Variants in THRA observed in about 807,000 individuals in gnomAD.
The protein encoded by THRA is thyroid hormone receptor alpha, also known as EAR-7.
THRA carries 13 observed loss-of-function variants against 45.0 expected under a neutral mutation model. The ratio of observed to expected loss-of-function variants is 0.29; its 90% confidence interval spans 0.19 to 0.46. THRA has a LOEUF of 0.46. Ranked by LOEUF, THRA falls within the 20% of genes least tolerant of loss-of-function variation. THRA has a pLI of 1.00. For missense variants in THRA, 278 were observed against 556.1 expected (o/e 0.50, Z 5.03); for synonymous variants, 195 against 214.0 (o/e 0.91, Z 0.78).
At chr17:40,067,158 G>A (rs1196083711) in intron 1 of THRA, among the ~76,000 whole-genome samples, 3 of 152,174 alleles carry the variant, frequency 2.0e-5, no homozygotes, top group African/African-American at 4.8e-5. Flanking sequence ...ATGAGTGTAT[G>A]GGAAAGAGCC....
intron 4 of THRA, among the ~76,000 whole-genome samples, chr17:40,081,306 A>G (rs1987129740): frequency 6.6e-6 from 1 of 151,882 alleles, no homozygotes; most frequent in Non-Finnish European, 1.5e-5. Flanking sequence ...GTTGGAGTGC[A>G]GTGGTGCGAT....
At chr17:40,062,201 G>C (rs181541585), upstream of THRA, 5 of 152,280 alleles carry the variant, frequency 3.3e-5, no homozygotes, top group African/African-American at 9.6e-5. Context: ...GGAGCAGATT[G>C]TTGGGGGAAA....
chr17:40,069,087 TCTCC>T (rs1272323205), intron 1 of THRA: 1 of 146,352 alleles, frequency 6.8e-6, no homozygotes, highest in Non-Finnish European at 1.5e-5. Flanking sequence ...TCCCTCCCTC[TCTCC>T]CTCCCTCTCT....
downstream of THRA, chr17:40,093,178 G>A (rs962679691): frequency 1.5e-5 from 24 of 1,613,820 alleles, no homozygotes; most frequent in Non-Finnish European, 1.9e-5. The surrounding 1 kb of genome is among the most constrained non-coding windows in gnomAD (Gnocchi z 5.9). Context: ...TTGGTGAAGC[G>A]GGAAGTCTCC....
At chr17:40,063,372 C>T (rs1412054877) in intron 1 of THRA, among the ~76,000 whole-genome samples, 2 of 152,168 alleles carry the variant, frequency 1.3e-5, no homozygotes, top group Non-Finnish European at 2.9e-5. Flanking sequence ...CCCGCCCGGC[C>T]TCTGTCCGGC....
Position 40,090,046 on chromosome 17 carries a change from C to CA in THRA, c.*596dup. ...GAAAAACTAGACAGAGAGAAAAATACAAAAAAGAGAGAGCGAGCGATAGAG... is the reference window on the plus strand; with the variant it reads ...GAAAAACTAGACAGAGAGAAAAATACAAAAAAAGAGAGAGCGAGCGATAGAG... On this transcript the variant is annotated 3_prime_UTR_variant, in exon 9 of 9. Coordinates refer to ENST00000450525, the MANE Select transcript of THRA (RefSeq NM_199334.5). 2 of 985,886 alleles carry CA rather than the reference C, an allele frequency of 2.0e-6. No individual in the cohort carries two copies. The highest frequency in any genetic ancestry group is 2.4e-6 in the Non-Finnish European group (2 of 829,716). 61.1% of individuals were successfully genotyped at this position (985,886 alleles called of 1,614,324 possible).
Position 40,092,281 on chromosome 17 carries a change from A to C in THRA, c.*2825A>C, listed in dbSNP as rs910391151. 6.7e-6 allele frequency: 1 copy of C among 149,450 alleles called. No homozygotes were observed. The highest frequency in any genetic ancestry group is 1.5e-5 in the Non-Finnish European group (1 of 67,304). The allele number at this position is 149,450 out of a possible 1,614,324, so 9.3% of individuals were successfully genotyped here. The stretch of plus-strand genomic sequence containing the variant: ...GCGTTGTGAGAGAGAGACCGTCCAT[A>C]AGGAGGACAGTAACTCCTGCCCTGG... On this transcript the variant is annotated 3_prime_UTR_variant, in exon 9 of 9. Coordinates refer to ENST00000450525, the MANE Select transcript of THRA (RefSeq NM_199334.5).
intron 1 of THRA, among the ~76,000 whole-genome samples, chr17:40,072,934 C>G (rs1986829476): frequency 6.6e-6 from 1 of 152,234 alleles, no homozygotes; most frequent in South Asian, 2.1e-4. Context: ...GTGCCCAGTC[C>G]TGGTCTGGGG....
chr17:40,089,615 CCCT>C lies in THRA; in HGVS notation c.*164_*166del, dbSNP rs778280657. The C allele has an allele frequency of 5.6e-6, 8 of 1,438,566 alleles. No homozygotes were observed. Among genetic ancestry groups the C allele is most frequent in the Non-Finnish European group, 6.4e-6 (7 of 1,101,518 alleles). The allele number at this position is 1,438,566 out of a possible 1,614,324, so 89.1% of individuals were successfully genotyped here. On this transcript the variant is annotated 3_prime_UTR_variant, in exon 9 of 9. Coordinates refer to ENST00000450525, the MANE Select transcript of THRA (RefSeq NM_199334.5). This position sits in a 1 kb window ranked among gnomAD's most constrained non-coding sequence, Gnocchi z 6.1. ...ACACACACACCCGCACTGCCCAGGT[CCCT>C]CCTCAGACCTCCAGCCCTGGGACAG... is the stretch of plus-strand genomic sequence containing the variant.
chr17:40,073,366 T>C (rs562162472), intron 1 of THRA, among the ~76,000 whole-genome samples: 1 of 152,332 alleles, frequency 6.6e-6, no homozygotes, highest in East Asian at 1.9e-4. Context: ...GTGAGGCTTA[T>C]CCCACAGCCA....
intron 1 of THRA, among the ~76,000 whole-genome samples, chr17:40,066,663 CA>C (rs553082902): frequency 0.066 from 3,270 of 49,546 alleles, 104 homozygotes; most frequent in African/African-American, 0.18. Flanking sequence ...GACTCCGTCT[CA>C]AAAAAAAAAA....
In THRA at chr17:40,089,280, G is replaced by A. The variant is rs766284607; in HGVS notation, c.1057G>A (p.Val353Ile). ...EAYLLAFEHY[V>I]NHRKHNIPHF... is the part of the protein sequence containing the mutation. ...GTACCTGCTGGCGTTCGAGCACTACGTCAACCACCGCAAACACAACATTCC... is the reference window on the plus strand; with the variant it reads ...GTACCTGCTGGCGTTCGAGCACTACATCAACCACCGCAAACACAACATTCC... Residue 353 changes from valine (V) to isoleucine (I), a missense_variant, in exon 9 of 9, where the codon GTC (valine) becomes ATC (isoleucine). Transcript: ENST00000450525. This position sits in a 1 kb window ranked among gnomAD's most constrained non-coding sequence, Gnocchi z 6.1. The A allele has an allele frequency of 2.1e-5, 34 of 1,613,952 alleles. No homozygotes were observed. Among genetic ancestry groups the A allele is most frequent in the Non-Finnish European group, 2.5e-5 (29 of 1,180,044 alleles).
At position 40,082,388 on chromosome 17, in the gene THRA, CT is replaced by C. The variant is rs58529995; in HGVS notation, c.223-1437del. Among the ~76,000 whole-genome samples, 289 of 146,218 alleles carry C rather than the reference CT, an allele frequency of 2.0e-3. 1 individual carries two copies. Among genetic ancestry groups the C allele is most frequent in the African/African-American group, 6.7e-3 (266 of 39,878 alleles). On this transcript the variant is annotated intron_variant, in intron 4 of 8. Transcript: ENST00000450525. ...TGCCACCATTCCCGGCTAATTTTTTCTTTTTTTTTTCTTTTTTGAGATGAAG... is the reference window on the plus strand; with the variant it reads ...TGCCACCATTCCCGGCTAATTTTTTCTTTTTTTTTCTTTTTTGAGATGAAG...
intron 4 of THRA, among the ~76,000 whole-genome samples, chr17:40,079,256 G>GT (rs1390839441): frequency 9.3e-5 from 14 of 150,392 alleles, no homozygotes; most frequent in South Asian, 4.2e-4. Context: ...GTTTTGTTTT[G>GT]TTTTTTTTGA....
chr17:40,076,476 C>T (rs547851166), intron 2 of THRA, among the ~76,000 whole-genome samples: 1 of 152,344 alleles, frequency 6.6e-6, no homozygotes, highest in South Asian at 2.1e-4. Context: ...GGTTATTCAT[C>T]TGTGCCGGTG....
rs370923594 is a variant in THRA at position 40,077,548 on chromosome 17, C to T, written c.162C>T (p.Val54=). 2.5e-5 allele frequency: 40 copies of T among 1,613,902 alleles called. No individual in the cohort carries two copies. Among genetic ancestry groups the T allele is most frequent in the Non-Finnish European group, 3.1e-5 (36 of 1,179,992 alleles). Residue 54 remains valine, a synonymous_variant, in exon 4 of 9, where the codon GTC becomes GTT. Transcript: ENST00000450525. ...ACCTGGACAAAGACGAGCAGTGTGTCGTGTGTGGGGACAAGGCAACTGGTT... is the reference window on the plus strand; with the variant it reads ...ACCTGGACAAAGACGAGCAGTGTGTTGTGTGTGGGGACAAGGCAACTGGTT... The part of the protein sequence containing the change: ...PSYLDKDEQC[V]VCGDKATGYH...
intron 5 of THRA, 87 bp from the exon 6 acceptor site, chr17:40,084,523 G>A: frequency 3.4e-6 from 5 of 1,473,620 alleles, no homozygotes; most frequent in Admixed American, 1.8e-5. Flanking sequence ...TCTCCAACCT[G>A]TACTCTAGGA....
chr17:40,067,603 G>A (rs368013711), intron 1 of THRA, among the ~76,000 whole-genome samples: 1 of 152,192 alleles, frequency 6.6e-6, no homozygotes, highest in Non-Finnish European at 1.5e-5. Flanking sequence ...TGTGAGTCTG[G>A]TGATCAGGAT....
chr17:40,073,747 A>G (rs554630045), intron 1 of THRA, among the ~76,000 whole-genome samples: 10 of 151,980 alleles, frequency 6.6e-5, no homozygotes, highest in Non-Finnish European at 1.3e-4. Context: ...GTGCCGCTCT[A>G]TGTCCCATCC....
Sources: gnomAD v4.1 joint callset for allele counts (sites outside exome capture counted in the v4.1 genomes callset) on GRCh38, gnomAD v4.1.1 for gene constraint, Gnocchi (gnomAD v3.1) non-coding constraint, MANE v1.5 for transcripts, NCBI Gene and HGNC (gene_info 2026-07-23, HGNC 2026-07-21) for gene names.